TMC5: variants seen among roughly 807,000 people sequenced by gnomAD.
TMC5 encodes the protein transmembrane channel-like protein 5.
TMC5 carries 86 observed loss-of-function variants against 110.5 expected under a neutral mutation model. The ratio of observed to expected loss-of-function variants is 0.78; its 90% CI spans 0.65 to 0.93. The LOEUF (loss-of-function observed/expected upper bound fraction) is 0.93, where lower values mean the gene tolerates loss of function less well. Ranked by LOEUF, TMC5 falls within the 40% of genes least tolerant of loss-of-function variation. The pLI is 0.00. For missense variants in TMC5, 1,144 were observed against 1,222.8 expected (o/e 0.94, Z 0.96); for synonymous variants, 455 against 439.5 (o/e 1.04, Z -0.44).
upstream of TMC5, among the ~76,000 whole-genome samples, chr16:19,414,686 C>G (rs538188833): frequency 3.0e-4 from 46 of 152,150 alleles, no homozygotes; most frequent in African/African-American, 1.1e-3. Context: ...GCGGGAGGAT[C>G]GCTTGAGATC....
intron 6 of TMC5, among the ~76,000 whole-genome samples, chr16:19,460,875 G>T (rs1001434892): frequency 6.6e-6 from 1 of 152,220 alleles, no homozygotes; most frequent in Non-Finnish European, 1.5e-5. Context: ...GACGTGACAG[G>T]CTGGGTGTGG....
intron 21 of TMC5, 21 bp downstream of exon 21, chr16:19,497,184 A>G (rs926837369): frequency 6.9e-6 from 11 of 1,605,584 alleles, no homozygotes; most frequent in African/African-American, 1.3e-5. Context: ...AAACTGGGAC[A>G]GAATAAGACA....
chr16:19,434,067 ATATATT>A, intron 2 of TMC5, among the ~76,000 whole-genome samples: 1 of 23,516 alleles, frequency 4.3e-5, no homozygotes, highest in South Asian at 2.3e-3. Flanking sequence ...ATAAATCTAT[ATATATT>A]ATATATAATA....
At chr16:19,492,336 C>G (rs1968928994) in intron 19 of TMC5, 108 bp downstream of exon 19, 3 of 646,046 alleles carry the variant, frequency 4.6e-6, no homozygotes, top group Non-Finnish European at 5.3e-6. Context: ...TATCCCTGCT[C>G]TCAGCCCTAA....
chr16:19,497,105 T>G lies in TMC5; in HGVS notation c.2932-16T>G, dbSNP rs772933636. 1.4e-5 allele frequency: 22 copies of G among 1,613,790 alleles called. No individual in the cohort carries two copies. The highest frequency in any genetic ancestry group is 1.8e-5 in the Non-Finnish European group (21 of 1,179,834). ...TCTTCCTCCGTGACGTGGCTGCTTGTTTTTTTCTTTTTCAGCAACAAGGCT... is the reference window on the plus strand; with the variant it reads ...TCTTCCTCCGTGACGTGGCTGCTTGGTTTTTTCTTTTTCAGCAACAAGGCT... On this transcript the variant is annotated splice_polypyrimidine_tract_variant and intron_variant, in intron 20 of 21. Coordinates refer to ENST00000542583, the MANE Select transcript of TMC5 (RefSeq NM_001261841.2).
At chr16:19,450,559 C>T (rs1353823054) in intron 5 of TMC5, among the ~76,000 whole-genome samples, 2 of 152,046 alleles carry the variant, frequency 1.3e-5, no homozygotes, top group African/African-American at 2.4e-5. Context: ...CATTCATCTC[C>T]GTCAGAGTCA....
chr16:19,481,113 A>C (rs1184460420), intron 14 of TMC5, among the ~76,000 whole-genome samples: 2 of 152,190 alleles, frequency 1.3e-5, no homozygotes, highest in South Asian at 4.1e-4. Context: ...GGTAACAAAT[A>C]TTCTCTAGAA....
chr16:19,430,418 G>A lies in TMC5; in HGVS notation c.-302G>A, dbSNP rs1052577569. 6.6e-6 allele frequency: 1 copy of A among 152,190 alleles called. No individual in the cohort carries two copies. Among genetic ancestry groups the A allele is most frequent in the Non-Finnish European group, 1.5e-5 (1 of 68,044 alleles). 9.4% of individuals were successfully genotyped at this position (152,190 alleles called of 1,614,324 possible). ...CTCTGTCTTCTGATTTTCAGGACAT[G>A]AGGCTCTGCCTGCAGTCAGCAACTT... On this transcript the variant is annotated 5_prime_UTR_variant, in exon 2 of 22. The change abolishes an upstream ATG in the 5' untranslated region. Coordinates refer to ENST00000542583, the MANE Select transcript of TMC5 (RefSeq NM_001261841.2).
At chr16:19,479,560 C>A in intron 14 of TMC5, 32 bp downstream of exon 14, 2 of 1,471,912 alleles carry the variant, frequency 1.4e-6, no homozygotes, top group Non-Finnish European at 1.9e-6. Context: ...GTAATTAGGG[C>A]CTGATGCTGT....
At chr16:19,424,429 T>A (rs1967048771) in intron 1 of TMC5, among the ~76,000 whole-genome samples, 1 of 152,102 alleles carries the variant, frequency 6.6e-6, no homozygotes, top group African/African-American at 2.4e-5. Flanking sequence ...GGCGGGTGGA[T>A]CACCTGAGGT....
chr16:19,494,525 A>G (rs749804260), intron 20 of TMC5, among the ~76,000 whole-genome samples, 159 bp downstream of exon 20: 15 of 151,972 alleles, frequency 9.9e-5, no homozygotes, highest in Non-Finnish European at 2.1e-4. Flanking sequence ...AGTAATATTC[A>G]TGGCCAGGTG....
chr16:19,439,114 A>G (rs1402751801), intron 2 of TMC5, among the ~76,000 whole-genome samples: 2 of 152,206 alleles, frequency 1.3e-5, no homozygotes, highest in Non-Finnish European at 2.9e-5. Context: ...GTCTGTTGAC[A>G]CCTCTTAGTT....
At chr16:19,470,584 A>G (rs1031149863) in intron 10 of TMC5, among the ~76,000 whole-genome samples, 2 of 151,982 alleles carry the variant, frequency 1.3e-5, no homozygotes, top group Non-Finnish European at 2.9e-5. Flanking sequence ...TGCTCTTGGT[A>G]TCTAGTGGGT....
At chr16:19,451,214 T>C (rs1385755537) in intron 5 of TMC5, among the ~76,000 whole-genome samples, 2 of 152,036 alleles carry the variant, frequency 1.3e-5, no homozygotes, top group Non-Finnish European at 2.9e-5. Context: ...ACAAGGCAAA[T>C]CTGTGAGCAA....
chr16:19,466,110 A>G lies in TMC5; in HGVS notation c.1514A>G (p.Tyr505Cys). ...VGYFRDTVMY[Y>C]GFYTNSTIQH... ...TATTTTAGGGACACAGTGATGTACT[A>G]TGGCTTTTACACCAATTCCACCATC... Residue 505 changes from tyrosine to cysteine, a missense_variant, in exon 9 of 22, where the codon TAT becomes TGT. Physicochemically the swap from Tyr to Cys is radical, Grantham distance 194. Coordinates refer to ENST00000542583, the MANE Select transcript of TMC5 (RefSeq NM_001261841.2). 1.2e-6 allele frequency: 2 copies of G among 1,614,068 alleles called. No individual in the cohort carries two copies. The highest frequency in any genetic ancestry group is 1.7e-6 in the Non-Finnish European group (2 of 1,180,008).
chr16:19,443,944 G>C, intron 3 of TMC5, 137 bp from the exon 4 acceptor site: 1 of 829,186 alleles, frequency 1.2e-6, no homozygotes, highest in Non-Finnish European at 1.9e-6. Context: ...TGGATGGATG[G>C]ATGGATGGAT....
chr16:19,476,369 G>C (rs544921626), intron 12 of TMC5, among the ~76,000 whole-genome samples: 1 of 152,132 alleles, frequency 6.6e-6, no homozygotes, highest in African/African-American at 2.4e-5. Flanking sequence ...GAGAAAGAGA[G>C]AGAGAGAAAG....
rs1215239828 is a variant in TMC5 at position 19,440,697 on chromosome 16, T to C, written c.659T>C (p.Phe220Ser). Reference sequence around the variant, plus strand: ...ATTCAACCTAACTCTCCACCCTTTTTTGGGGAGCCAGACTATCCCAGTGCT... The same window carrying C: ...ATTCAACCTAACTCTCCACCCTTTTCTGGGGAGCCAGACTATCCCAGTGCT... ...ADIQPNSPPF[F>S]GEPDYPSAED... is the part of the protein sequence containing the mutation. Residue 220 changes from phenylalanine to serine, a missense_variant, in exon 3 of 22, where the codon TTT becomes TCT. Coordinates refer to ENST00000542583, the MANE Select transcript of TMC5 (RefSeq NM_001261841.2). 6.2e-7 allele frequency: 1 copy of C among 1,614,152 alleles called. No homozygotes were observed. The highest frequency in any genetic ancestry group is 8.5e-7 in the Non-Finnish European group (1 of 1,180,026).
rs144584819 is a variant in TMC5, at chr16:19,433,025, A to C, written c.-80+2385A>C. ...CATATAATATACACATATAATACAC[A>C]TATACGCATACAATATGAAGTTATA... On this transcript the variant is annotated intron_variant, in intron 2 of 21. Coordinates refer to ENST00000542583, the MANE Select transcript of TMC5 (RefSeq NM_001261841.2). Among the ~76,000 whole-genome samples, 436 of 152,318 alleles carry C rather than the reference A, an allele frequency of 2.9e-3. 3 individuals carry two copies. The highest frequency in any genetic ancestry group is 1.0e-2 in the African/African-American group (415 of 41,566).
Sources: gnomAD v4.1 joint callset for allele counts (sites outside exome capture counted in the v4.1 genomes callset) on GRCh38, gnomAD v4.1.1 for gene constraint, MANE v1.5 for transcripts, NCBI Gene and HGNC (gene_info 2026-07-23, HGNC 2026-07-21) for gene names.